The following SH3GL2 variants were observed in gnomAD, a reference collection of about 807,000 sequenced individuals.
The protein encoded by SH3GL2 is SH3 domain containing GRB2 like 2, endophilin A1.
A neutral mutation model predicts 46.0 loss-of-function variants in SH3GL2; 24 were observed. The observed-to-expected ratio is 0.52, with a 90% confidence interval of 0.38 to 0.73. The LOEUF (loss-of-function observed/expected upper bound fraction) is 0.73, where lower values mean the gene tolerates loss of function less well. Ranked by LOEUF, SH3GL2 falls within the 30% of genes least tolerant of loss-of-function variation. The pLI is 0.00. For synonymous variants in SH3GL2, 196 were observed against 147.1 expected (o/e 1.33, Z -2.40); for missense variants, 413 against 424.2 (o/e 0.97, Z 0.23).
At chr9:17,631,204 C>T (rs569764618) in intron 1 of SH3GL2, among the ~76,000 whole-genome samples, 3 of 152,270 alleles carry the variant, frequency 2.0e-5, no homozygotes, top group Non-Finnish European at 2.9e-5. Flanking sequence ...GTTTCATCAA[C>T]GGAGCAGTTT....
intron 1 of SH3GL2, among the ~76,000 whole-genome samples, chr9:17,670,777 T>G (rs1341302303): frequency 6.6e-6 from 1 of 152,242 alleles, no homozygotes; most frequent in Admixed American, 6.5e-5. Flanking sequence ...TTTCCTCTTT[T>G]TATTCATTTC....
At chr9:17,793,889 G>C (rs1824201636) in intron 8 of SH3GL2, among the ~76,000 whole-genome samples, 1 of 152,202 alleles carries the variant, frequency 6.6e-6, no homozygotes, top group Non-Finnish European at 1.5e-5. Context: ...GAATGCCCCT[G>C]GACAGTGTGT....
chr9:17,649,343 A>C (rs1157679193), intron 1 of SH3GL2, among the ~76,000 whole-genome samples: 2 of 152,206 alleles, frequency 1.3e-5, no homozygotes, highest in East Asian at 1.9e-4. Flanking sequence ...CTGGGATTAC[A>C]GGCGTGAGCC....
chr9:17,688,968 G>A (rs560414811), intron 1 of SH3GL2, among the ~76,000 whole-genome samples: 1 of 152,202 alleles, frequency 6.6e-6, no homozygotes, highest in East Asian at 1.9e-4. Context: ...GAAGCATACA[G>A]AATGGAGAGG....
intron 1 of SH3GL2, among the ~76,000 whole-genome samples, chr9:17,711,534 T>C (rs955973521): frequency 1.3e-5 from 2 of 151,860 alleles, no homozygotes; most frequent in African/African-American, 4.8e-5. Context: ...TAGTTTGAGT[T>C]TTCTAGAGTT....
intron 1 of SH3GL2, among the ~76,000 whole-genome samples, chr9:17,724,962 T>C (rs919654954): frequency 4.6e-5 from 7 of 151,966 alleles, no homozygotes; most frequent in Non-Finnish European, 1.0e-4. Flanking sequence ...TATACTTTTG[T>C]CCTGAGTTCC....
intron 1 of SH3GL2, among the ~76,000 whole-genome samples, chr9:17,660,324 T>A (rs1242642520): frequency 6.6e-6 from 1 of 152,324 alleles, no homozygotes; most frequent in Non-Finnish European, 1.5e-5. Flanking sequence ...CCTCAAGCTG[T>A]GTGTCTGTGG....
At position 17,774,309 on chromosome 9, in the gene SH3GL2, A is replaced by G. The variant is rs536133227; in HGVS notation, c.188-12072A>G. 2.0e-5 allele frequency among the ~76,000 whole-genome samples: 3 copies of G among 152,198 alleles called. No homozygotes were observed. The South Asian group carries it at 6.2e-4, about 32-fold the overall frequency. On this transcript the variant is annotated intron_variant, in intron 3 of 8. Transcript: ENST00000380607. ...TTCTTACCAAATTGCCCTGGCCAGA[A>G]CTTTCAGTACTGTGTTGAATAGATG...
At chr9:17,668,420 C>G (rs1820395223) in intron 1 of SH3GL2, among the ~76,000 whole-genome samples, 1 of 152,164 alleles carries the variant, frequency 6.6e-6, no homozygotes, top group Non-Finnish European at 1.5e-5. Context: ...CGTCAACAAT[C>G]AGATGCCCAA....
At chr9:17,784,607 C>T (rs1397708820) in intron 3 of SH3GL2, among the ~76,000 whole-genome samples, 3 of 152,160 alleles carry the variant, frequency 2.0e-5, no homozygotes, top group Non-Finnish European at 4.4e-5. Context: ...TATCTTACTC[C>T]TCACTATATT....
At chr9:17,754,774 T>A (rs1822942035) in intron 2 of SH3GL2, among the ~76,000 whole-genome samples, 1 of 152,226 alleles carries the variant, frequency 6.6e-6, no homozygotes, top group Non-Finnish European at 1.5e-5. Flanking sequence ...GTTCCTGAGT[T>A]GGCTCTTGGC....
intron 1 of SH3GL2, among the ~76,000 whole-genome samples, chr9:17,656,531 A>C (rs1015778825): frequency 2.0e-5 from 3 of 152,136 alleles, no homozygotes; most frequent in Non-Finnish European, 4.4e-5. Context: ...CAATATCACA[A>C]GTAATTAATT....
chr9:17,716,717 C>A (rs1295177300), intron 1 of SH3GL2, among the ~76,000 whole-genome samples: 1 of 152,086 alleles, frequency 6.6e-6, no homozygotes, highest in Admixed American at 6.6e-5. Context: ...GTATGCTGTC[C>A]TGAAAATGCT....
At chr9:17,682,137 TG>T (rs1206828926) in intron 1 of SH3GL2, among the ~76,000 whole-genome samples, 1 of 152,210 alleles carries the variant, frequency 6.6e-6, no homozygotes, top group African/African-American at 2.4e-5. Context: ...TCAACCATTT[TG>T]GAAGACAGTG....
chr9:17,729,251 C>T (rs750578092), intron 1 of SH3GL2, among the ~76,000 whole-genome samples: 5 of 152,030 alleles, frequency 3.3e-5, no homozygotes, highest in African/African-American at 4.8e-5. Flanking sequence ...GTTTGTTGGC[C>T]GCATAAATGT....
At chr9:17,620,408 A>C (rs1478022680) in intron 1 of SH3GL2, among the ~76,000 whole-genome samples, 1 of 152,192 alleles carries the variant, frequency 6.6e-6, no homozygotes, top group South Asian at 2.1e-4. Context: ...CAGCTTACGC[A>C]TGTTACTTAA....
intron 1 of SH3GL2, among the ~76,000 whole-genome samples, chr9:17,612,242 C>A (rs1390787747): frequency 6.6e-6 from 1 of 152,138 alleles, no homozygotes; most frequent in Non-Finnish European, 1.5e-5. Context: ...AAAAGCCCTT[C>A]CGGGAGTGTG....
At chr9:17,619,547 A>G (rs1005376007) in intron 1 of SH3GL2, among the ~76,000 whole-genome samples, 2 of 152,024 alleles carry the variant, frequency 1.3e-5, no homozygotes, top group Non-Finnish European at 2.9e-5. Flanking sequence ...GCTTGGTGGC[A>G]TGCACCTGTA....
At position 17,704,974 on chromosome 9, in the gene SH3GL2, G is replaced by T. The variant is rs186549987; in HGVS notation, c.46-42092G>T. Reference sequence around the variant, plus strand: ...ACAGCAAACAGACAATCTACAGAATGGGAGAAAATATTTGCAAACTATGCA... The same window carrying T: ...ACAGCAAACAGACAATCTACAGAATTGGAGAAAATATTTGCAAACTATGCA... On this transcript the variant is annotated intron_variant, in intron 1 of 8. Coordinates refer to ENST00000380607, the MANE Select transcript of SH3GL2 (RefSeq NM_003026.5). Among the ~76,000 whole-genome samples the T allele has an allele frequency of 3.9e-5, 6 of 151,910 alleles. No homozygotes were observed. In the East Asian group the frequency reaches 1.2e-3, roughly 29 times the overall value.
Sources: gnomAD v4.1 joint callset for allele counts (sites outside exome capture counted in the v4.1 genomes callset) on GRCh38, gnomAD v4.1.1 for gene constraint, MANE v1.5 for transcripts, NCBI Gene and HGNC (gene_info 2026-07-23, HGNC 2026-07-21) for gene names.